DIP2A: variants seen among roughly 807,000 people sequenced by gnomAD.
The protein encoded by DIP2A is disco-interacting protein 2 homolog A.
A neutral mutation model predicts 177.4 loss-of-function variants in DIP2A; 85 were observed. That is an observed-to-expected ratio of 0.48 (90% CI 0.40 to 0.57). DIP2A has a LOEUF of 0.57. Ranked by LOEUF, DIP2A falls within the 20% of genes least tolerant of loss-of-function variation. The pLI, the probability that DIP2A is intolerant of heterozygous loss-of-function variation, is 0.00. For synonymous variants in DIP2A, 886 were observed against 881.8 expected (o/e 1.00, Z -0.08); for missense variants, 1,791 against 2,100.2 (o/e 0.85, Z 2.88).
At chr21:46,504,313 A>G (rs2148576795) in intron 5 of DIP2A, 48 bp from the exon 6 acceptor site, 1 of 1,607,832 alleles carries the variant, frequency 6.2e-7, no homozygotes, top group Non-Finnish European at 8.5e-7. Context: ...CTTAATACTC[A>G]TTTGACTTAA....
At chr21:46,473,592 T>C (rs907900374) in intron 1 of DIP2A, among the ~76,000 whole-genome samples, 4 of 152,170 alleles carry the variant, frequency 2.6e-5, no homozygotes, top group Non-Finnish European at 5.9e-5. Context: ...CCCAGCTCAC[T>C]GCAACCTCCG....
In DIP2A at chr21:46,539,899, C is replaced by A. The variant is rs748706263; in HGVS notation, c.1944C>A (p.Ala648=). The change falls in exon 17 of 38, where the codon GCC becomes GCA. Residue 648 remains alanine, a synonymous_variant. Coordinates refer to ENST00000417564, the MANE Select transcript of DIP2A (RefSeq NM_015151.4). The stretch of plus-strand genomic sequence containing the variant: ...CAGGGTCGATCTCCTCCTGTGACGC[C>A]TTCCTCAACGTCTTCCAGTCCAGAG... ...ANPWSISSCD[A]FLNVFQSRGL... is the part of the protein sequence containing the mutation. The A allele has an allele frequency of 1.2e-6, 2 of 1,613,984 alleles. No individual in the cohort carries two copies. Among genetic ancestry groups the A allele is most frequent in the Admixed American group, 1.7e-5 (1 of 60,034 alleles).
chr21:46,554,010 G>A (rs2060363902), intron 25 of DIP2A, 159 bp from the exon 26 acceptor site: 1 of 984,344 alleles, frequency 1.0e-6, no homozygotes, highest in Non-Finnish European at 1.4e-6. Flanking sequence ...CCAAAAAAAA[G>A]ACACCAGCCG....
chr21:46,554,597 C>G lies in DIP2A; in HGVS notation c.3177C>G (p.Phe1059Leu). 1 of 1,611,722 alleles carries G rather than the reference C, an allele frequency of 6.2e-7. No individual in the cohort carries two copies. Among genetic ancestry groups the G allele is most frequent in the South Asian group, 1.1e-5 (1 of 90,544 alleles). Reference sequence around the variant, plus strand: ...CAGGGGTGGACCTCATTGCCGCGTTCTATGGCTGCTTGTACTGTGGCTGCG... The same window carrying G: ...CAGGGGTGGACCTCATTGCCGCGTTGTATGGCTGCTTGTACTGTGGCTGCG... The part of the protein sequence containing the change: ...YPPGVDLIAA[F>L]YGCLYCGCVP... Residue 1059 changes from phenylalanine (F) to leucine (L), a missense_variant, in exon 27 of 38, where the codon TTC becomes TTG. Transcript: ENST00000417564.
chr21:46,490,511 T>A, intron 2 of DIP2A, 89 bp from the exon 3 acceptor site: 2 of 1,423,310 alleles, frequency 1.4e-6, no homozygotes, highest in Non-Finnish European at 1.9e-6. Context: ...ATGCAACAGA[T>A]GAGAAATGTA....
At chr21:46,513,277 A>G (rs573417074) in intron 8 of DIP2A, among the ~76,000 whole-genome samples, 13 of 152,202 alleles carry the variant, frequency 8.5e-5, no homozygotes, top group Non-Finnish European at 1.9e-4. Flanking sequence ...TTGTTGGAGT[A>G]AAGTTGTATA....
chr21:46,538,636 C>T, intron 16 of DIP2A, 34 bp downstream of exon 16: 2 of 1,542,080 alleles, frequency 1.3e-6, no homozygotes, highest in Non-Finnish European at 1.7e-6. Context: ...GCATACCCCA[C>T]ACAGTGTCCC....
At chr21:46,532,520 C>T (rs2059395903) in intron 10 of DIP2A, among the ~76,000 whole-genome samples, 1 of 152,066 alleles carries the variant, frequency 6.6e-6, no homozygotes. Flanking sequence ...CATGAATTTC[C>T]CAACAGAAAT....
At position 46,527,336 on chromosome 21, in the gene DIP2A, T is replaced by TTG. The variant is rs1480646534; in HGVS notation, c.1103-1755_1103-1754insGT. Among the ~76,000 whole-genome samples, 5 of 146,738 alleles carry TTG rather than the reference T, an allele frequency of 3.4e-5. No homozygotes were observed. The East Asian group carries it at 1.0e-3, about 29-fold the overall frequency. On this transcript the variant is annotated intron_variant, in intron 8 of 37. Transcript: ENST00000417564. ...TGGTTTGAGTTGAGGTTTTTTTTTT[T>TTG]TTTTTTTTTGAGAGGGAGTCTCACT...
In DIP2A at chr21:46,534,046, T is replaced by C. The variant is rs762481028; in HGVS notation, c.1472T>C (p.Leu491Pro). The change falls in exon 12 of 38, where the codon CTA becomes CCA. Residue 491 changes from leucine to proline, a missense_variant. Coordinates refer to ENST00000417564, the MANE Select transcript of DIP2A (RefSeq NM_015151.4). ...LSWLVIDGKH[L>P]AKPPKDWHPL... ...TGGCTAGTGATTGATGGGAAGCATC[T>C]AGCCAAGCCCCCAAAGGACTGGCAC... 2 of 1,613,696 alleles carry C rather than the reference T, an allele frequency of 1.2e-6. No individual in the cohort carries two copies. Among genetic ancestry groups the C allele is most frequent in the East Asian group, 2.2e-5 (1 of 44,872 alleles).
chr21:46,505,680 G>A (rs915037249), intron 6 of DIP2A, among the ~76,000 whole-genome samples: 2 of 152,132 alleles, frequency 1.3e-5, no homozygotes, highest in East Asian at 1.9e-4. Context: ...TATCCAGCAC[G>A]CCCAAAAGTG....
At chr21:46,544,991 C>A (rs1569080859) in intron 18 of DIP2A, 146 bp from the exon 19 acceptor site, 2 of 589,828 alleles carry the variant, frequency 3.4e-6, no homozygotes, top group Non-Finnish European at 5.4e-6. Flanking sequence ...GCATGTGTAT[C>A]ATCTGTGTCA....
At position 46,540,396 on chromosome 21, in the gene DIP2A, C is replaced by T. The variant is rs566184832; in HGVS notation, c.2036+405C>T. On this transcript the variant is annotated intron_variant, in intron 17 of 37. Transcript: ENST00000417564. ...TGGTGCTTAGTGCCCGGCCACCCAC[C>T]TCCCGGGAGGCCTGTGCTGCTCCTG... Among the ~76,000 whole-genome samples, 4 of 152,312 alleles carry T rather than the reference C, an allele frequency of 2.6e-5. No homozygotes were observed. The East Asian group carries it at 7.7e-4, about 29-fold the overall frequency.
intron 1 of DIP2A, among the ~76,000 whole-genome samples, chr21:46,467,295 CAAAAAAAAAA>C (rs527776306): frequency 8.8e-6 from 1 of 113,486 alleles, no homozygotes; most frequent in African/African-American, 3.3e-5. Context: ...GACTCCGTCT[CAAAAAAAAAA>C]AAAAAAAAAT....
intron 35 of DIP2A, among the ~76,000 whole-genome samples, chr21:46,565,258 G>A (rs2060799998): frequency 6.6e-6 from 1 of 152,256 alleles, no homozygotes; most frequent in South Asian, 2.1e-4. Context: ...GCGTGGGGCT[G>A]ACGTTAACCC....
rs184806121 is a variant in DIP2A at position 46,485,113 on chromosome 21, T to G, written c.163+285T>G. Among the ~76,000 whole-genome samples the G allele has an allele frequency of 1.1e-3, 174 of 152,328 alleles. 1 individual carries two copies. The highest frequency in any genetic ancestry group is 2.3e-3 in the Non-Finnish European group (156 of 68,016). On this transcript the variant is annotated intron_variant, in intron 2 of 37. Transcript: ENST00000417564. Reference sequence around the variant, plus strand: ...CATTCCCAAAGAGGATTTATTTTATTTTTATGATTATGAACAACCTGGCAC... The same window carrying G: ...CATTCCCAAAGAGGATTTATTTTATGTTTATGATTATGAACAACCTGGCAC...
intron 34 of DIP2A, among the ~76,000 whole-genome samples, chr21:46,562,844 C>T (rs1171049323): frequency 6.6e-6 from 1 of 152,174 alleles, no homozygotes; most frequent in East Asian, 1.9e-4. Context: ...TGCACGTCCT[C>T]CCTTCTCTGA....
chr21:46,547,055 G>A lies in DIP2A; in HGVS notation c.2522+13G>A, dbSNP rs375260481. 4.3e-5 allele frequency: 69 copies of A among 1,611,692 alleles called. No homozygotes were observed. Among genetic ancestry groups the A allele is most frequent in the East Asian group, 1.8e-4 (8 of 44,818 alleles). On this transcript the variant is annotated intron_variant, in intron 21 of 37. Transcript: ENST00000417564. ...TCTACAGAGGCAGGTGATGCGCTGCGGACCCCCACGCCGGGAGTAGATTCC... is the reference window on the plus strand; with the variant it reads ...TCTACAGAGGCAGGTGATGCGCTGCAGACCCCCACGCCGGGAGTAGATTCC...
Position 46,529,121 on chromosome 21 carries a change from G to A in DIP2A, c.1132G>A (p.Ala378Thr). 6.5e-7 allele frequency: 1 copy of A among 1,528,490 alleles called. No individual in the cohort carries two copies. The highest frequency in any genetic ancestry group is 1.4e-5 in the African/African-American group (1 of 72,010). 94.7% of individuals were successfully genotyped at this position (1,528,490 alleles called of 1,614,324 possible). The change falls in exon 9 of 38, where the codon GCT becomes ACT. Residue 378 changes from alanine to threonine, a missense_variant. Coordinates refer to ENST00000417564, the MANE Select transcript of DIP2A (RefSeq NM_015151.4). Reference protein sequence around the residue: ...GKLWSRSLKLAYTLLNKLTSK... With the variant: ...GKLWSRSLKLTYTLLNKLTSK... ...ACTTTGGAGTCGGAGTTTAAAACTAGCTTATACTCTACTTAATAAACTGAC... is the reference window on the plus strand; with the variant it reads ...ACTTTGGAGTCGGAGTTTAAAACTAACTTATACTCTACTTAATAAACTGAC...
Sources: allele counts gnomAD v4.1 joint callset (sites outside exome capture counted in the v4.1 genomes callset), GRCh38; gene constraint gnomAD v4.1.1; transcripts MANE v1.5; gene names NCBI Gene and HGNC (gene_info 2026-07-23, HGNC 2026-07-21).